ZNF385D: variants seen among roughly 807,000 people sequenced by gnomAD.
The protein encoded by ZNF385D is zinc finger protein 659.
ZNF385D carries 15 observed loss-of-function variants against 35.8 expected under a neutral mutation model. That is an observed-to-expected ratio of 0.42 (90% CI 0.28 to 0.64). The LOEUF (loss-of-function observed/expected upper bound fraction) is 0.64, where lower values mean the gene tolerates loss of function less well. Among genes scored for constraint, ZNF385D ranks in the 30% least tolerant of loss-of-function variants. ZNF385D has a pLI of 0.23. For missense variants in ZNF385D, 474 were observed against 494.6 expected (o/e 0.96, Z 0.39); for synonymous variants, 212 against 186.8 (o/e 1.13, Z -1.10).
rs757019437 is a variant in ZNF385D at position 21,546,136 on chromosome 3, C to T, written c.276+18438G>A. Reference sequence around the variant, plus strand: ...CCCAAAACTCATCAAACTTACCATACATCTGTCATTAAATTTGAAACTCAT... The same window carrying T: ...CCCAAAACTCATCAAACTTACCATATATCTGTCATTAAATTTGAAACTCAT... On this transcript the variant is annotated intron_variant, in intron 3 of 7. Coordinates refer to ENST00000281523, the MANE Select transcript of ZNF385D (RefSeq NM_024697.3). Among the ~76,000 whole-genome samples, 9 of 152,126 alleles carry T rather than the reference C, an allele frequency of 5.9e-5. No homozygotes were observed. The South Asian group carries it at 8.3e-4, about 14-fold the overall frequency.
intron 2 of ZNF385D, among the ~76,000 whole-genome samples, chr3:22,230,085 G>C (rs1698796987): frequency 6.6e-6 from 1 of 152,120 alleles, no homozygotes; most frequent in African/African-American, 2.4e-5. Context: ...ATCCTTGTTA[G>C]TCCTGAGGGA....
chr3:22,284,964 T>G (rs115406781), intron 2 of ZNF385D, among the ~76,000 whole-genome samples: 1,567 of 152,122 alleles, frequency 0.01, 29 homozygotes, highest in African/African-American at 0.037. Flanking sequence ...AGGATCAAGA[T>G]GTGAAGGAAA....
At chr3:22,279,222 A>C (rs1460661948) in intron 2 of ZNF385D, among the ~76,000 whole-genome samples, 3 of 151,962 alleles carry the variant, frequency 2.0e-5, no homozygotes, top group African/African-American at 7.2e-5. Flanking sequence ...AGCAATGTGC[A>C]CTATACCCAA....
chr3:21,631,912 C>T (rs949051185), intron 2 of ZNF385D, among the ~76,000 whole-genome samples: 1 of 152,070 alleles, frequency 6.6e-6, no homozygotes, highest in Non-Finnish European at 1.5e-5. Flanking sequence ...TCATTGAAGC[C>T]TTCAGCTTCC....
intron 3 of ZNF385D, among the ~76,000 whole-genome samples, chr3:21,514,492 G>A (rs749339053): frequency 2.0e-5 from 3 of 152,044 alleles, no homozygotes; most frequent in Non-Finnish European, 4.4e-5. Flanking sequence ...CGCATACATA[G>A]TAAACTGTAA....
intron 2 of ZNF385D, among the ~76,000 whole-genome samples, chr3:22,219,985 T>C (rs1698153089): frequency 6.6e-6 from 1 of 152,114 alleles, no homozygotes; most frequent in South Asian, 2.1e-4. Flanking sequence ...CAGTTTCTTC[T>C]CTACCATAAT....
intron 2 of ZNF385D, among the ~76,000 whole-genome samples, chr3:21,589,696 T>C (rs984739549): frequency 1.3e-5 from 2 of 151,964 alleles, no homozygotes; most frequent in African/African-American, 4.8e-5. Context: ...TAAGAGAAAA[T>C]GGATATTTCA....
At chr3:21,750,727 T>G (rs1036846122) in intron 1 of ZNF385D, among the ~76,000 whole-genome samples, 168 bp downstream of exon 1, 15 of 151,916 alleles carry the variant, frequency 9.9e-5, no homozygotes, top group Non-Finnish European at 1.9e-4. Context: ...GCCCCAGTTG[T>G]GGCACAAAGG....
chr3:21,852,635 A>G (rs1275109759), intron 3 of ZNF385D, among the ~76,000 whole-genome samples: 1 of 151,960 alleles, frequency 6.6e-6, no homozygotes, highest in Non-Finnish European at 1.5e-5. Flanking sequence ...GCATAGCAGT[A>G]AATTATATTT....
At chr3:21,616,115 CTTAAGA>C (rs1355913878) in intron 2 of ZNF385D, among the ~76,000 whole-genome samples, 1 of 151,958 alleles carries the variant, frequency 6.6e-6, no homozygotes, top group Admixed American at 6.6e-5. Context: ...TAACCTTCCC[CTTAAGA>C]TTAAAAGAAT....
Position 21,865,164 on chromosome 3 carries a change from C to A in ZNF385D, c.326-200136G>T, listed in dbSNP as rs1012077381. Among the ~76,000 whole-genome samples the A allele has an allele frequency of 2.8e-4, 40 of 142,938 alleles. 1 individual carries two copies. The highest frequency in any genetic ancestry group is 9.6e-4 in the African/African-American group (37 of 38,486). 93.8% of individuals were successfully genotyped at this position (142,938 alleles called of 152,430 possible). On this transcript the variant is annotated intron_variant, in intron 3 of 5. Coordinates refer to the ZNF385D transcript ENST00000494108. ...TTCTGGTCATTATTGTAAGATAAGG[C>A]TATAATAGAACTACAAGTAATTAGA...
chr3:22,370,730 G>A (rs1041354778), intron 2 of ZNF385D, among the ~76,000 whole-genome samples: 14 of 152,186 alleles, frequency 9.2e-5, no homozygotes, highest in Non-Finnish European at 2.1e-4. Context: ...TCTACGGAAT[G>A]GAGATGGTAA....
intron 3 of ZNF385D, among the ~76,000 whole-genome samples, chr3:22,049,616 C>G (rs2620562): frequency 0.25 from 37,849 of 151,990 alleles, 5,333 homozygotes; most frequent in Middle Eastern, 0.35. Flanking sequence ...GAAAAGCTTT[C>G]AAAATTTAGT....
intron 1 of ZNF385D, among the ~76,000 whole-genome samples, chr3:21,730,716 G>C (rs1411306895): frequency 6.6e-6 from 1 of 152,180 alleles, no homozygotes; most frequent in Non-Finnish European, 1.5e-5. Flanking sequence ...TTTTAGAAAT[G>C]TACTTGCTTA....
intron 2 of ZNF385D, among the ~76,000 whole-genome samples, chr3:22,170,103 G>T (rs1480202779): frequency 6.6e-6 from 1 of 152,118 alleles, no homozygotes; most frequent in Non-Finnish European, 1.5e-5. Context: ...GTCCAGATAG[G>T]AGTTCTCCAT....
At chr3:21,982,756 T>C (rs1281772876) in intron 3 of ZNF385D, among the ~76,000 whole-genome samples, 1 of 152,158 alleles carries the variant, frequency 6.6e-6, no homozygotes, top group Admixed American at 6.5e-5. Flanking sequence ...GAGGTATGTT[T>C]CTACTATACC....
chr3:22,365,062 A>T (rs1387826928), intron 2 of ZNF385D, among the ~76,000 whole-genome samples: 2 of 152,040 alleles, frequency 1.3e-5, no homozygotes, highest in Non-Finnish European at 2.9e-5. Context: ...AGAGACAGAA[A>T]ATAGCATGGT....
At chr3:22,035,037 T>C (rs1013545837) in intron 3 of ZNF385D, among the ~76,000 whole-genome samples, 4 of 152,220 alleles carry the variant, frequency 2.6e-5, no homozygotes, top group Admixed American at 6.5e-5. Flanking sequence ...AAAGTCAACA[T>C]TGTCGATTTA....
At position 22,298,552 on chromosome 3, in the gene ZNF385D, T is replaced by TACAC. The variant is rs562535043; in HGVS notation, c.106+73894_106+73897dup. On this transcript the variant is annotated intron_variant, in intron 2 of 5. Transcript: ENST00000494108. ...TATATACATAAAACATTTATGTATATACACACATACACACACACACACATA... is the reference window on the plus strand; with the variant it reads ...TATATACATAAAACATTTATGTATATACACACACACATACACACACACACACATA... Among the ~76,000 whole-genome samples, 100 of 141,280 alleles carry TACAC rather than the reference T, an allele frequency of 7.1e-4. 1 individual carries two copies. Among genetic ancestry groups the TACAC allele is most frequent in the South Asian group, 2.7e-3 (12 of 4,404 alleles). The allele number at this position is 141,280 out of a possible 152,430, so 92.7% of individuals were successfully genotyped here. A position where few individuals can be genotyped will look rare whatever the true frequency, so the allele number is the denominator to read the frequency against.
Sources: allele counts gnomAD v4.1 joint callset (sites outside exome capture counted in the v4.1 genomes callset), GRCh38; gene constraint gnomAD v4.1.1; transcripts MANE v1.5; gene names NCBI Gene and HGNC (gene_info 2026-07-23, HGNC 2026-07-21).